The following ABCB9 variants were observed in gnomAD, a reference collection of about 807,000 sequenced individuals.
ABCB9 encodes ABC-type oligopeptide transporter ABCB9.
Under a neutral mutation model 62.0 loss-of-function variants are expected in ABCB9, and 36 were observed. The ratio of observed to expected loss-of-function variants is 0.58; its 90% confidence interval spans 0.45 to 0.77. The LOEUF is 0.77. Among genes scored for constraint, ABCB9 ranks in the 30% least tolerant of loss-of-function variants. The pLI, the probability that ABCB9 is intolerant of heterozygous loss-of-function variation, is 0.00. For synonymous variants in ABCB9, 435 were observed against 461.4 expected (o/e 0.94, Z 0.73); for missense variants, 943 against 1,054.7 (o/e 0.89, Z 1.47).
At chr12:122,970,117 T>C (rs967557700), upstream of ABCB9, among the ~76,000 whole-genome samples, 2 of 152,160 alleles carry the variant, frequency 1.3e-5, no homozygotes, top group Non-Finnish European at 2.9e-5. Flanking sequence ...TCTCACTCTG[T>C]CTCCCAGGCT....
chr12:122,924,516 C>T, downstream of ABCB9: 1 of 999,508 alleles, frequency 1.0e-6, no homozygotes, highest in East Asian at 4.2e-5. Context: ...AGACATGGGC[C>T]TCTATGCTCA....
chr12:122,928,338 G>A (rs1390534860), downstream of ABCB9, among the ~76,000 whole-genome samples: 3 of 152,014 alleles, frequency 2.0e-5, no homozygotes, highest in Admixed American at 6.6e-5. Flanking sequence ...GTGTGGTGGT[G>A]GGTGCCTGTA....
downstream of ABCB9, chr12:122,924,815 G>T (rs1386849077): frequency 6.5e-7 from 1 of 1,534,694 alleles, no homozygotes; most frequent in Non-Finnish European, 8.7e-7. Context: ...AGCACACTGT[G>T]TGGGACAGAA....
Position 122,944,697 on chromosome 12 carries a change from G to A in ABCB9, c.1252-178C>T, listed in dbSNP as rs1353862500. On this transcript the variant is annotated intron_variant, in intron 6 of 11. Transcript: ENST00000280560. The surrounding 1 kb of genome is among the most constrained non-coding windows in gnomAD (Gnocchi z 4.9). ...TGTCACTCATGCCTTCCCCTGCCCC[G>A]AGCATTTCCCTACAGAGGCCTCCAG... The A allele has an allele frequency of 9.6e-6, 8 of 834,900 alleles. No homozygotes were observed. The East Asian group carries it at 1.4e-4, about 15-fold the overall frequency. The allele number at this position is 834,900 out of a possible 1,614,324, so 51.7% of individuals were successfully genotyped here.
intron 2 of ABCB9, chr12:122,951,908 T>C (rs2036387289): frequency 6.6e-6 from 1 of 152,190 alleles, no homozygotes; most frequent in South Asian, 2.1e-4. Flanking sequence ...TCTGAATGCA[T>C]CTCCCAAAAT....
chr12:122,970,649 G>A (rs1438389958), upstream of ABCB9, among the ~76,000 whole-genome samples: 1 of 152,120 alleles, frequency 6.6e-6, no homozygotes, highest in Non-Finnish European at 1.5e-5. Flanking sequence ...TGCATTATAT[G>A]TATTGAAACA....
downstream of ABCB9, chr12:122,924,810 A>G: frequency 6.5e-7 from 1 of 1,534,858 alleles, no homozygotes; most frequent in Non-Finnish European, 8.7e-7. Flanking sequence ...TACCCAGCAC[A>G]CTGTGTGGGA....
At chr12:122,969,875 C>T (rs1208034846), upstream of ABCB9, among the ~76,000 whole-genome samples, 2 of 152,084 alleles carry the variant, frequency 1.3e-5, no homozygotes, top group African/African-American at 4.8e-5. Context: ...ATGCTGTCAG[C>T]GATGAGGAAC....
intron 2 of ABCB9, among the ~76,000 whole-genome samples, chr12:122,957,062 A>C (rs1207455178): frequency 6.6e-6 from 1 of 150,800 alleles, no homozygotes; most frequent in Non-Finnish European, 1.5e-5. Flanking sequence ...TCTTTGGTAG[A>C]GACAGGTCTT....
At chr12:122,924,331 T>C (rs2135734624), downstream of ABCB9, among the ~76,000 whole-genome samples, 1 of 152,342 alleles carries the variant, frequency 6.6e-6, no homozygotes, top group African/African-American at 2.4e-5. Flanking sequence ...TTTCACACTA[T>C]GTTACGGCAT....
intron 1 of ABCB9, among the ~76,000 whole-genome samples, chr12:122,973,598 A>G (rs1314773488): frequency 6.9e-6 from 1 of 145,254 alleles, no homozygotes; most frequent in Admixed American, 6.9e-5. Flanking sequence ...AAAAAAAAAA[A>G]AAAAAAAAAA....
At chr12:122,924,574 C>T (rs1009687997), downstream of ABCB9, 3 of 1,346,466 alleles carry the variant, frequency 2.2e-6, no homozygotes, top group Non-Finnish European at 1.9e-6. Context: ...TACTATGTGT[C>T]AGCCACTGTT....
intron 7 of ABCB9, among the ~76,000 whole-genome samples, chr12:122,943,854 C>A (rs534222242): frequency 6.6e-6 from 1 of 152,110 alleles, no homozygotes; most frequent in Middle Eastern, 3.2e-3. Context: ...CGGCTCACTG[C>A]GGCCTTGACC....
In ABCB9 at chr12:122,949,891, G is replaced by C. The variant is rs1594039653; in HGVS notation, c.744C>G (p.Gly248=). The stretch of plus-strand genomic sequence containing the variant: ...GTCTGGCAAATATGAGGGTAAAAAT[G>C]CCGCCCCGAATACCTGCGGCAAATG... ...GSSFAAGIRG[G]IFTLIFARLN... Residue 248 remains glycine (G), a synonymous_variant, in exon 4 of 12, where the codon GGC becomes GGG. Coordinates refer to ENST00000280560, the MANE Select transcript of ABCB9 (RefSeq NM_019625.4). The C allele has an allele frequency of 6.2e-7, 1 of 1,614,174 alleles. No homozygotes were observed. Among genetic ancestry groups the C allele is most frequent in the South Asian group, 1.1e-5 (1 of 91,086 alleles).
chr12:122,922,515 G>C (rs999534475), intron 11 of ABCB9, among the ~76,000 whole-genome samples: 2 of 151,964 alleles, frequency 1.3e-5, no homozygotes, highest in Non-Finnish European at 2.9e-5. Context: ...GAGTAGCTGG[G>C]ACTACAGGCA....
chr12:122,924,664 G>A, downstream of ABCB9: 3 of 1,499,128 alleles, frequency 2.0e-6, no homozygotes, highest in Admixed American at 6.3e-5. Context: ...ACTAAGTCCT[G>A]GCGCCAGGAC....
chr12:122,951,035 CA>C, intron 2 of ABCB9: 1 of 119,210 alleles, frequency 8.4e-6, no homozygotes, highest in Non-Finnish European at 1.7e-5. Context: ...TTTGTAGAGA[CA>C]GGGGTCTCAC....
chr12:122,942,978 AG>A (rs1305515578), intron 7 of ABCB9, among the ~76,000 whole-genome samples: 1 of 152,160 alleles, frequency 6.6e-6, no homozygotes, highest in Non-Finnish European at 1.5e-5. Context: ...AGCAGATGCT[AG>A]GAACACCCCA....
chr12:122,937,727 C>A (rs969162088), intron 9 of ABCB9, among the ~76,000 whole-genome samples: 2 of 152,196 alleles, frequency 1.3e-5, no homozygotes, highest in African/African-American at 4.8e-5. Flanking sequence ...TGGCCCTCAC[C>A]ACCATCTCGA....
Sources: allele counts gnomAD v4.1 joint callset (sites outside exome capture counted in the v4.1 genomes callset), GRCh38; gene constraint gnomAD v4.1.1; non-coding constraint Gnocchi (gnomAD v3.1); transcripts MANE v1.5; gene names NCBI Gene and HGNC (gene_info 2026-07-23, HGNC 2026-07-21).